The following EYA1 variants were observed in gnomAD, a reference collection of about 807,000 sequenced individuals.
EYA1 encodes the protein protein phosphatase EYA1.
Under a neutral mutation model 82.0 loss-of-function variants are expected in EYA1, and 16 were observed. The observed-to-expected ratio is 0.20, with a 90% CI of 0.13 to 0.30. The LOEUF (loss-of-function observed/expected upper bound fraction) is 0.30, where lower values mean the gene tolerates loss of function less well. Ranked by LOEUF, EYA1 falls within the 10% of genes least tolerant of loss-of-function variation. The pLI is 1.00. For synonymous variants in EYA1, 261 were observed against 264.4 expected (o/e 0.99, Z 0.12); for missense variants, 633 against 730.7 (o/e 0.87, Z 1.54).
intron 17 of EYA1, among the ~76,000 whole-genome samples, chr8:71,210,084 T>A (rs1214347768): frequency 6.6e-6 from 1 of 152,168 alleles, no homozygotes; most frequent in East Asian, 1.9e-4. Flanking sequence ...TCCCCATTTA[T>A]AGACAAGGAA....
intron 2 of EYA1, among the ~76,000 whole-genome samples, chr8:71,452,545 C>T (rs1422895974): frequency 2.6e-5 from 4 of 152,170 alleles, no homozygotes; most frequent in Admixed American, 2.0e-4. Flanking sequence ...ACACCTCACA[C>T]GACTGGGTAC....
At chr8:71,301,597 C>A (rs1820204205) in intron 7 of EYA1, among the ~76,000 whole-genome samples, 2 of 152,048 alleles carry the variant, frequency 1.3e-5, no homozygotes, top group Admixed American at 1.3e-4. Flanking sequence ...AATCTATATC[C>A]TAAAATAGTG....
intron 2 of EYA1, among the ~76,000 whole-genome samples, chr8:71,504,737 C>A (rs1347488998): frequency 2.0e-5 from 3 of 152,166 alleles, no homozygotes; most frequent in Admixed American, 2.0e-4. Flanking sequence ...AAAAAATCAT[C>A]CTGTAATTCT....
At chr8:71,222,172 T>A (rs1375381989) in intron 12 of EYA1, among the ~76,000 whole-genome samples, 2 of 152,190 alleles carry the variant, frequency 1.3e-5, no homozygotes, top group African/African-American at 4.8e-5. Context: ...TTCTTTCTTC[T>A]GAGGAGGTAA....
chr8:71,421,315 T>C (rs893283440), intron 2 of EYA1, among the ~76,000 whole-genome samples: 3 of 152,180 alleles, frequency 2.0e-5, no homozygotes, highest in Non-Finnish European at 2.9e-5. Context: ...TAGAGAACTA[T>C]GGAGATGAAA....
At chr8:71,214,985 C>A (rs1748483669) in intron 16 of EYA1, among the ~76,000 whole-genome samples, 1 of 152,110 alleles carries the variant, frequency 6.6e-6, no homozygotes. Flanking sequence ...AAAAACAAAA[C>A]AAATATTTCT....
chr8:71,250,106 A>G (rs1456032236), intron 11 of EYA1, among the ~76,000 whole-genome samples: 4 of 150,184 alleles, frequency 2.7e-5, no homozygotes, highest in South Asian at 4.2e-4. Context: ...ACTGGGGTCT[A>G]TTCCTAGGTT....
intron 2 of EYA1, among the ~76,000 whole-genome samples, chr8:71,413,367 T>C (rs1209917623): frequency 2.0e-5 from 3 of 152,344 alleles, no homozygotes; most frequent in Admixed American, 6.5e-5. Context: ...GTGCCTTCCA[T>C]ATGCTCAGTA....
intron 12 of EYA1, among the ~76,000 whole-genome samples, chr8:71,239,275 G>A (rs1812195605): frequency 6.6e-6 from 1 of 152,014 alleles, no homozygotes; most frequent in African/African-American, 2.4e-5. Flanking sequence ...CTAAACTGAG[G>A]GTTTTGATGT....
rs563470665 is a variant in EYA1, at chr8:71,545,160, C to A, written c.-73+2704G>T. Reference sequence around the variant, plus strand: ...AACTCTATAATCTTGGAAATATTAACCAGTCTGAACCTGCTTTTTCATCAG... The same window carrying A: ...AACTCTATAATCTTGGAAATATTAAACAGTCTGAACCTGCTTTTTCATCAG... On this transcript the variant is annotated intron_variant, in intron 1 of 18. Transcript: ENST00000643681. Among the ~76,000 whole-genome samples the A allele has an allele frequency of 2.0e-5, 3 of 152,342 alleles. No individual in the cohort carries two copies. In the South Asian group the frequency reaches 6.2e-4, roughly 32 times the overall value.
At chr8:71,367,239 T>A (rs1209136656) in intron 2 of EYA1, among the ~76,000 whole-genome samples, 1 of 152,174 alleles carries the variant, frequency 6.6e-6, no homozygotes, top group Non-Finnish European at 1.5e-5. Flanking sequence ...TCTTGTTTCA[T>A]AGTTATATCA....
At chr8:71,407,314 C>A in intron 2 of EYA1, among the ~76,000 whole-genome samples, 1 of 122,538 alleles carries the variant, frequency 8.2e-6, no homozygotes. Flanking sequence ...AAACGCAGAG[C>A]GCCTCTCCTC....
intron 2 of EYA1, among the ~76,000 whole-genome samples, chr8:71,533,554 C>A (rs1247531103): frequency 1.3e-5 from 2 of 152,140 alleles, no homozygotes; most frequent in East Asian, 1.9e-4. Flanking sequence ...GGGTGTGTCG[C>A]CCAGGCTAGA....
intron 7 of EYA1, among the ~76,000 whole-genome samples, chr8:71,310,429 A>G (rs1821208825): frequency 6.6e-6 from 1 of 152,102 alleles, no homozygotes; most frequent in Non-Finnish European, 1.5e-5. Context: ...TCGTTCTCTG[A>G]CAGGTCCCAG....
rs11986570 is a variant in EYA1, at chr8:71,209,485, C to T, written c.1698+1671G>A. 7.9e-3 allele frequency among the ~76,000 whole-genome samples: 1,201 copies of T among 152,276 alleles called. 12 individuals carry two copies. Among genetic ancestry groups the T allele is most frequent in the African/African-American group, 0.027 (1,122 of 41,550 alleles). On this transcript the variant is annotated intron_variant, in intron 17 of 17. Coordinates refer to ENST00000340726, the MANE Select transcript of EYA1 (RefSeq NM_000503.6). ...CTCACGCAGGTTTGTGACTGGGATACATTCTGTATTTATGGGTATTCATGA... is the reference window on the plus strand; with the variant it reads ...CTCACGCAGGTTTGTGACTGGGATATATTCTGTATTTATGGGTATTCATGA...
intron 7 of EYA1, among the ~76,000 whole-genome samples, chr8:71,305,061 T>C (rs1292718850): frequency 7.0e-6 from 1 of 143,084 alleles, no homozygotes; most frequent in Non-Finnish European, 1.6e-5. Context: ...AAAACAGACC[T>C]CCTTCCCTTA....
At chr8:71,500,284 T>G (rs548639163) in intron 2 of EYA1, among the ~76,000 whole-genome samples, 2 of 152,310 alleles carry the variant, frequency 1.3e-5, no homozygotes, top group African/African-American at 4.8e-5. Flanking sequence ...AGCAATGTAA[T>G]TTGAAAGACT....
At chr8:71,261,027 T>A (rs1815037662) in intron 11 of EYA1, among the ~76,000 whole-genome samples, 1 of 152,166 alleles carries the variant, frequency 6.6e-6, no homozygotes, top group Non-Finnish European at 1.5e-5. Context: ...AAAACAGGAA[T>A]GAGCACTCTG....
chr8:71,243,346 TATG>T (rs1277678537), intron 12 of EYA1, among the ~76,000 whole-genome samples: 1 of 152,136 alleles, frequency 6.6e-6, no homozygotes, highest in African/African-American at 2.4e-5. Flanking sequence ...TGAAAATAAG[TATG>T]ATAATTATGT....
Sources: allele counts gnomAD v4.1 joint callset (sites outside exome capture counted in the v4.1 genomes callset), GRCh38; gene constraint gnomAD v4.1.1; transcripts MANE v1.5; gene names NCBI Gene and HGNC (gene_info 2026-07-23, HGNC 2026-07-21).